SLC5A3: variants seen among roughly 807,000 people sequenced by gnomAD.
SLC5A3 encodes solute carrier family 5 member 3.
Under a neutral mutation model 43.2 loss-of-function variants are expected in SLC5A3, and 10 were observed. The observed-to-expected ratio is 0.23, with a 90% CI of 0.14 to 0.39. SLC5A3 has a LOEUF of 0.39. Ranked by LOEUF, SLC5A3 falls within the 10% of genes least tolerant of loss-of-function variation. The pLI is 1.00. For synonymous variants in SLC5A3, 349 were observed against 322.0 expected (o/e 1.08, Z -0.90); for missense variants, 608 against 893.4 (o/e 0.68, Z 4.07).
At position 34,100,434 on chromosome 21, in the gene SLC5A3, CT is replaced by C; in HGVS notation, c.*3082del. 8 of 1,000,196 alleles carry C rather than the reference CT, an allele frequency of 8.0e-6. No individual in the cohort carries two copies. Among genetic ancestry groups the C allele is most frequent in the Non-Finnish European group, 9.6e-6 (8 of 829,972 alleles). The allele number at this position is 1,000,196 out of a possible 1,614,324, so 62.0% of individuals were successfully genotyped here. A position where few individuals can be genotyped will look rare whatever the true frequency, so the allele number is the denominator to read the frequency against. Reference sequence around the variant, plus strand: ...CTATTCTTTCCTGGGGGTAATTATGCTTTGTCTTTAGATTAGAGAAGCATCA... The same window carrying C: ...CTATTCTTTCCTGGGGGTAATTATGCTTGTCTTTAGATTAGAGAAGCATCA... On this transcript the variant is annotated 3_prime_UTR_variant, in exon 2 of 2. Coordinates refer to ENST00000381151, the MANE Select transcript of SLC5A3 (RefSeq NM_006933.7).
rs749819511 is a variant in SLC5A3, at chr21:34,096,802, C to G, written c.1604C>G (p.Pro535Arg). ...ITVIVSLLTP[P>R]PTKEQIRTTT... ...GTAATTGTGAGCCTTCTCACACCAC[C>G]TCCCACAAAGGAACAGATTCGAACC... The change falls in exon 2 of 2, where the codon CCT becomes CGT. Residue 535 changes from proline to arginine, a missense_variant. Physicochemically the swap from Pro to Arg is moderately radical, Grantham distance 103. Transcript: ENST00000381151. The surrounding 1 kb of genome is among the most constrained non-coding windows in gnomAD (Gnocchi z 5.9). 6.8e-6 allele frequency: 11 copies of G among 1,614,056 alleles called. No homozygotes were observed. Among genetic ancestry groups the G allele is most frequent in the African/African-American group, 2.7e-5 (2 of 75,028 alleles).
chr21:34,100,079 A>G lies in SLC5A3; in HGVS notation c.*2724A>G. ...TTGGTCTTTAGACATTAACATGTGT[A>G]TATTTTTATATTAGCTCAAGCTAAG... On this transcript the variant is annotated 3_prime_UTR_variant, in exon 2 of 2. Transcript: ENST00000381151. 2 of 998,052 alleles carry G rather than the reference A, an allele frequency of 2.0e-6. No homozygotes were observed. Among genetic ancestry groups the G allele is most frequent in the South Asian group, 4.7e-5 (1 of 21,242 alleles). The allele number at this position is 998,052 out of a possible 1,614,324, so 61.8% of individuals were successfully genotyped here. A position where few individuals can be genotyped will look rare whatever the true frequency, so the allele number is the denominator to read the frequency against.
intron 1 of SLC5A3, among the ~76,000 whole-genome samples, chr21:34,078,674 T>G (rs923006760): frequency 1.3e-5 from 2 of 152,190 alleles, no homozygotes; most frequent in Non-Finnish European, 2.9e-5. Flanking sequence ...ATCTAGTGCC[T>G]TTGCTGTGTT....
Position 34,102,947 on chromosome 21 carries a change from CCT to C in SLC5A3, c.*5593_*5594del, listed in dbSNP as rs973250749. 1.0e-5 allele frequency: 10 copies of C among 999,730 alleles called. No individual in the cohort carries two copies. The African/African-American group carries it at 1.6e-4, about 16-fold the overall frequency. The allele number at this position is 999,730 out of a possible 1,614,324, so 61.9% of individuals were successfully genotyped here. A position where few individuals can be genotyped will look rare whatever the true frequency, so the allele number is the denominator to read the frequency against. On this transcript the variant is annotated 3_prime_UTR_variant, in exon 2 of 2. Transcript: ENST00000381151. Reference sequence around the variant, plus strand: ...ACCTAATTTATCTTGGTAAATTCACCCTGTTTCCTAGTGCTGCTGGATAAAAG... The same window carrying C: ...ACCTAATTTATCTTGGTAAATTCACCGTTTCCTAGTGCTGCTGGATAAAAG...
At chr21:34,074,610 AGTC>A (rs1267270961) in intron 1 of SLC5A3, among the ~76,000 whole-genome samples, 2 of 152,128 alleles carry the variant, frequency 1.3e-5, no homozygotes, top group East Asian at 3.9e-4. Context: ...GTACTCCTCA[AGTC>A]GTCGCCGAAA....
Position 34,096,963 on chromosome 21 carries a change from G to C in SLC5A3, c.1765G>C (p.Gly589Arg). Residue 589 changes from glycine (G) to arginine (R), a missense_variant, in exon 2 of 2, where the codon GGG becomes CGG. Physicochemically the swap from Gly to Arg is moderately radical, Grantham distance 125. Around this residue, in one of 2 missense-constraint regions of SLC5A3, gnomAD observed 210 missense variants for 224.8 expected, o/e 0.93. Transcript: ENST00000381151. The surrounding 1 kb of genome is among the most constrained non-coding windows in gnomAD (Gnocchi z 5.9). ...GACCATCAACCACATCATTCCCAAC[G>C]GGAAATCTGAAGACAGCATTAAGGG... ...NETINHIIPNGKSEDSIKGLQ... is the reference protein window; with the variant it reads ...NETINHIIPNRKSEDSIKGLQ... 1 of 1,614,108 alleles carries C rather than the reference G, an allele frequency of 6.2e-7. No individual in the cohort carries two copies. Among genetic ancestry groups the C allele is most frequent in the Admixed American group, 1.7e-5 (1 of 60,018 alleles).
chr21:34,105,955 C>T lies in SLC5A3; in HGVS notation c.*8600C>T. On this transcript the variant is annotated 3_prime_UTR_variant, in exon 2 of 2. Coordinates refer to ENST00000381151, the MANE Select transcript of SLC5A3 (RefSeq NM_006933.7). ...CAATCTGATTTTTTAAAATTGTAAA[C>T]ATGTATGATCTTGGTTTCATGTGTT... The T allele has an allele frequency of 3.0e-6, 3 of 992,602 alleles. No homozygotes were observed. Among genetic ancestry groups the T allele is most frequent in the Non-Finnish European group, 3.6e-6 (3 of 823,092 alleles). The allele number at this position is 992,602 out of a possible 1,614,324, so 61.5% of individuals were successfully genotyped here.
intron 1 of SLC5A3, among the ~76,000 whole-genome samples, chr21:34,083,134 C>A (rs903309304): frequency 5.9e-5 from 9 of 152,110 alleles, no homozygotes; most frequent in Admixed American, 2.6e-4. Flanking sequence ...TGGTTAAGTG[C>A]TTTAATTTTG....
At position 34,098,809 on chromosome 21, in the gene SLC5A3, T is replaced by C; in HGVS notation, c.*1454T>C. The C allele has an allele frequency of 1.0e-6, 1 of 1,000,030 alleles. No individual in the cohort carries two copies. Among genetic ancestry groups the C allele is most frequent in the African/African-American group, 1.7e-5 (1 of 57,368 alleles). 61.9% of individuals were successfully genotyped at this position (1,000,030 alleles called of 1,614,324 possible). On this transcript the variant is annotated 3_prime_UTR_variant, in exon 2 of 2. Coordinates refer to ENST00000381151, the MANE Select transcript of SLC5A3 (RefSeq NM_006933.7). ...AAAAGCTCTACAGATTACGTACTTC[T>C]GTGTCTTCGTATGCTCAACACTGTC...
In SLC5A3 at chr21:34,092,533, G is replaced by C. The variant is rs186619223; in HGVS notation, c.-336-2330G>C. On this transcript the variant is annotated intron_variant, in intron 1 of 1. Transcript: ENST00000381151. ...TGGGCAGAGCGACTTTACTAGAGAA[G>C]TTAGGAGTTAGGGCTAGCATGAGAA... is the stretch of plus-strand genomic sequence containing the variant. Among the ~76,000 whole-genome samples, 26 of 152,332 alleles carry C rather than the reference G, an allele frequency of 1.7e-4. No individual in the cohort carries two copies. In the East Asian group the frequency reaches 4.8e-3, roughly 28 times the overall value.
chr21:34,098,974 AT>A lies in SLC5A3; in HGVS notation c.*1623del. 1.0e-6 allele frequency: 1 copy of A among 987,446 alleles called. No homozygotes were observed. The allele number at this position is 987,446 out of a possible 1,614,324, so 61.2% of individuals were successfully genotyped here. On this transcript the variant is annotated 3_prime_UTR_variant, in exon 2 of 2. Coordinates refer to ENST00000381151, the MANE Select transcript of SLC5A3 (RefSeq NM_006933.7). The stretch of plus-strand genomic sequence containing the variant: ...ATTACTTTCATAAATACTTTTGTAG[AT>A]TTTGAATCAAAACTCAGTCTTTTTA...
intron 1 of SLC5A3, among the ~76,000 whole-genome samples, chr21:34,092,307 T>G (rs1286595110): frequency 6.6e-6 from 1 of 152,242 alleles, no homozygotes; most frequent in Non-Finnish European, 1.5e-5. Flanking sequence ...TTGTTTTTCC[T>G]TTTCCAGTCT....
Position 34,099,749 on chromosome 21 carries a change from G to T in SLC5A3, c.*2394G>T. 1.0e-6 allele frequency: 1 copy of T among 980,244 alleles called. No homozygotes were observed. The allele number at this position is 980,244 out of a possible 1,614,324, so 60.7% of individuals were successfully genotyped here. A position where few individuals can be genotyped will look rare whatever the true frequency, so the allele number is the denominator to read the frequency against. ...TGTATATAGCAGTAGGTCAAGTTTAGAGTACTAAAGTCTGTAAATAAGGAA... is the reference window on the plus strand; with the variant it reads ...TGTATATAGCAGTAGGTCAAGTTTATAGTACTAAAGTCTGTAAATAAGGAA... On this transcript the variant is annotated 3_prime_UTR_variant, in exon 2 of 2. Coordinates refer to ENST00000381151, the MANE Select transcript of SLC5A3 (RefSeq NM_006933.7).
chr21:34,096,889 C>G lies in SLC5A3; in HGVS notation c.1691C>G (p.Pro564Arg). ...GAGAACTGCTCCCCAAAAGAGGAAC[C>G]ATACAAAATGCAAGAAAAGAGCATT... ...VKENCSPKEEPYKMQEKSILR... is the reference protein window; with the variant it reads ...VKENCSPKEERYKMQEKSILR... The change falls in exon 2 of 2, where the codon CCA becomes CGA. Residue 564 changes from proline (P) to arginine (R), a missense_variant. By Grantham distance (103) the Pro-to-Arg change is moderately radical. Around this residue, in one of 2 missense-constraint regions of SLC5A3, gnomAD observed 210 missense variants for 224.8 expected, o/e 0.93. Coordinates refer to ENST00000381151, the MANE Select transcript of SLC5A3 (RefSeq NM_006933.7). The surrounding 1 kb of genome is among the most constrained non-coding windows in gnomAD (Gnocchi z 5.9). The G allele has an allele frequency of 1.9e-6, 3 of 1,614,066 alleles. No individual in the cohort carries two copies. The South Asian group carries it at 3.3e-5, about 18-fold the overall frequency.
intron 1 of SLC5A3, among the ~76,000 whole-genome samples, chr21:34,093,766 C>T (rs182059387): frequency 2.0e-4 from 30 of 152,110 alleles, no homozygotes; most frequent in South Asian, 1.0e-3. Flanking sequence ...GGAGAGAAGC[C>T]GTCAAATTTT....
In SLC5A3 at chr21:34,103,318, A is replaced by G; in HGVS notation, c.*5963A>G. 3.1e-6 allele frequency: 3 copies of G among 956,000 alleles called. No homozygotes were observed. The allele number at this position is 956,000 out of a possible 1,614,324, so 59.2% of individuals were successfully genotyped here. ...TTGTCGTAACTAGTGAAGGAAGTAAAAAAAAAAAAAAAACATGCATTACAT... is the reference window on the plus strand; with the variant it reads ...TTGTCGTAACTAGTGAAGGAAGTAAGAAAAAAAAAAAAACATGCATTACAT... On this transcript the variant is annotated 3_prime_UTR_variant, in exon 2 of 2. Transcript: ENST00000381151.
At chr21:34,074,262 A>G (rs954781586) in intron 1 of SLC5A3, among the ~76,000 whole-genome samples, 10 of 151,926 alleles carry the variant, frequency 6.6e-5, no homozygotes, top group African/African-American at 2.4e-4. Flanking sequence ...CGCGCCCAAT[A>G]AAGCGTTCCT....
At position 34,075,484 on chromosome 21, in the gene SLC5A3, C is replaced by A. The variant is rs550990687; in HGVS notation, c.-337+1739C>A. On this transcript the variant is annotated intron_variant, in intron 1 of 1. Coordinates refer to ENST00000381151, the MANE Select transcript of SLC5A3 (RefSeq NM_006933.7). ...TTCACTCTAGTTCAGATCAACAGAG[C>A]GTAATTTGGTTAAAATAATAAATAA... Among the ~76,000 whole-genome samples, 6 of 151,946 alleles carry A rather than the reference C, an allele frequency of 3.9e-5. No homozygotes were observed. In the South Asian group the frequency reaches 1.2e-3, roughly 32 times the overall value.
chr21:34,096,319 C>T lies in SLC5A3; in HGVS notation c.1121C>T (p.Ala374Val). 6.2e-7 allele frequency: 1 copy of T among 1,614,112 alleles called. No homozygotes were observed. Among genetic ancestry groups the T allele is most frequent in the South Asian group, 1.1e-5 (1 of 91,086 alleles). The change falls in exon 2 of 2, where the codon GCT (alanine) becomes GTT (valine). Residue 374 changes from alanine (A) to valine (V), a missense_variant. Transcript: ENST00000381151. The surrounding 1 kb of genome is among the most constrained non-coding windows in gnomAD (Gnocchi z 5.9). ...RGLMMAVMIA[A>V]LMSDLDSIFN... ...TTAATGATGGCAGTGATGATTGCAG[C>T]TCTGATGAGTGACTTAGACTCTATC...
Sources: allele counts gnomAD v4.1 joint callset (sites outside exome capture counted in the v4.1 genomes callset), GRCh38; gene constraint gnomAD v4.1.1; regional missense constraint gnomAD v4.1.1; non-coding constraint Gnocchi (gnomAD v3.1); transcripts MANE v1.5; gene names NCBI Gene and HGNC (gene_info 2026-07-23, HGNC 2026-07-21).